Variants in SLC12A1 observed in about 807,000 individuals in gnomAD.
SLC12A1 encodes the protein solute carrier family 12 member 1.
In SLC12A1, 89 loss-of-function variants were observed where a neutral mutation model predicts 130.4. That is an observed-to-expected ratio of 0.68 (90% CI 0.58 to 0.81). The LOEUF is 0.81. Ranked by LOEUF, SLC12A1 falls within the 40% of genes least tolerant of loss-of-function variation. The pLI is 0.00. For missense variants in SLC12A1, 1,310 were observed against 1,336.4 expected (o/e 0.98, Z 0.31); for synonymous variants, 499 against 460.0 (o/e 1.08, Z -1.09).
intron 17 of SLC12A1, among the ~76,000 whole-genome samples, chr15:48,263,384 C>T (rs914845596): frequency 6.6e-6 from 1 of 152,060 alleles, no homozygotes; most frequent in African/African-American, 2.4e-5. Context: ...TTATCAAGTA[C>T]ATTATGTTGT....
rs1194360232 is a variant in SLC12A1 at position 48,240,010 on chromosome 15, C to CAT, written c.1216-1488_1216-1487dup. 3.4e-3 allele frequency among the ~76,000 whole-genome samples: 325 copies of CAT among 96,606 alleles called. 6 individuals carry two copies. The highest frequency in any genetic ancestry group is 0.023 in the East Asian group (74 of 3,206). 63.4% of individuals were successfully genotyped at this position (96,606 alleles called of 152,430 possible). A position where few individuals can be genotyped will look rare whatever the true frequency, so the allele number is the denominator to read the frequency against. ...GCCTTCCATCTTCACATCTGTTATCCATATATATATATATATATCCATATA... is the reference window on the plus strand; with the variant it reads ...GCCTTCCATCTTCACATCTGTTATCCATATATATATATATATATATCCATATA... On this transcript the variant is annotated intron_variant, in intron 9 of 26. Transcript: ENST00000380993.
intron 24 of SLC12A1, 131 bp downstream of exon 24, chr15:48,291,995 C>G (rs1024459714): frequency 4.8e-6 from 3 of 620,220 alleles, no homozygotes; most frequent in Non-Finnish European, 8.5e-6. Context: ...ATAAGAAGAG[C>G]CTTCAAATAA....
chr15:48,297,612 C>A (rs1034479964), intron 24 of SLC12A1, among the ~76,000 whole-genome samples: 1 of 152,178 alleles, frequency 6.6e-6, no homozygotes, highest in Non-Finnish European at 1.5e-5. Context: ...AATAAGTATA[C>A]GAAGAGCTTA....
Position 48,232,796 on chromosome 15 carries a change from T to A in SLC12A1, c.1045T>A (p.Ser349Thr). Residue 349 changes from serine (S) to threonine (T), a missense_variant, in exon 8 of 27, where the codon TCC (serine) becomes ACC (threonine). Transcript: ENST00000380993. ...CTTCTTCATTGGAACTGTCATTCCA[T>A]CCAACAATGAGAAAAAGTCCAGAGG... ...ANFFIGTVIP[S>T]NNEKKSRGFF... 1 of 1,612,940 alleles carries A rather than the reference T, an allele frequency of 6.2e-7. No homozygotes were observed. The highest frequency in any genetic ancestry group is 8.5e-7 in the Non-Finnish European group (1 of 1,178,998).
rs558992105 is a variant in SLC12A1 at position 48,220,031 on chromosome 15, C to T, written c.421-603C>T. Among the ~76,000 whole-genome samples the T allele has an allele frequency of 6.0e-5, 9 of 149,532 alleles. No individual in the cohort carries two copies. The East Asian group carries it at 1.4e-3, about 23-fold the overall frequency. On this transcript the variant is annotated intron_variant, in intron 2 of 26. Coordinates refer to ENST00000380993, the MANE Select transcript of SLC12A1 (RefSeq NM_000338.3). ...GGCTAAGGCACAAGAATTGCCTTAA[C>T]CCGGGAGGCACAGGTTGCAGTGAGC...
chr15:48,245,228 T>C (rs1284347109), intron 11 of SLC12A1, among the ~76,000 whole-genome samples: 1 of 152,342 alleles, frequency 6.6e-6, no homozygotes, highest in African/African-American at 2.4e-5. Context: ...ACTTGTTATG[T>C]ATTTCTTTCT....
chr15:48,268,768 G>T lies in SLC12A1; in HGVS notation c.2296-890G>T, dbSNP rs1193925169. 2.6e-5 allele frequency among the ~76,000 whole-genome samples: 4 copies of T among 152,102 alleles called. No individual in the cohort carries two copies. The East Asian group carries it at 7.7e-4, about 29-fold the overall frequency. ...TGATTTTTCTTTCAGTACCAAGTTA[G>T]TTTTCAATAGCTCTTTGGTTAAATA... On this transcript the variant is annotated intron_variant, in intron 18 of 26. Coordinates refer to ENST00000380993, the MANE Select transcript of SLC12A1 (RefSeq NM_000338.3).
At chr15:48,220,126 A>AC in intron 2 of SLC12A1, among the ~76,000 whole-genome samples, 1 of 43,212 alleles carries the variant, frequency 2.3e-5, no homozygotes, top group East Asian at 8.2e-4. Context: ...AAAAAAAAAA[A>AC]AAAGGTAGAT....
intron 20 of SLC12A1, among the ~76,000 whole-genome samples, chr15:48,276,914 G>T (rs982955641): frequency 4.6e-5 from 7 of 152,220 alleles, no homozygotes; most frequent in African/African-American, 1.7e-4. Flanking sequence ...ATTGCCAAAT[G>T]CAGCAGAAAT....
chr15:48,216,830 C>T (rs1286885876), intron 2 of SLC12A1, among the ~76,000 whole-genome samples: 1 of 152,098 alleles, frequency 6.6e-6, no homozygotes, highest in African/African-American at 2.4e-5. Context: ...ATTCAGCTGC[C>T]GTATGTGTAT....
At chr15:48,218,296 G>A (rs926582219) in intron 2 of SLC12A1, among the ~76,000 whole-genome samples, 1 of 152,100 alleles carries the variant, frequency 6.6e-6, no homozygotes, top group African/African-American at 2.4e-5. Flanking sequence ...TGTCACAATA[G>A]TATCATGAAC....
chr15:48,215,795 C>A (rs2041113855), intron 2 of SLC12A1, among the ~76,000 whole-genome samples: 1 of 152,144 alleles, frequency 6.6e-6, no homozygotes, highest in Non-Finnish European at 1.5e-5. Context: ...ACAATTTTGC[C>A]TTAGAGTAAA....
chr15:48,240,076 T>TATCC, intron 9 of SLC12A1, among the ~76,000 whole-genome samples: 1 of 108,360 alleles, frequency 9.2e-6, no homozygotes, highest in East Asian at 2.7e-4. Flanking sequence ...TATATCCATA[T>TATCC]ATATATATAT....
chr15:48,265,648 A>C (rs937693605), intron 17 of SLC12A1, among the ~76,000 whole-genome samples: 2 of 152,154 alleles, frequency 1.3e-5, no homozygotes, highest in African/African-American at 2.4e-5. Context: ...TTCTATCTTC[A>C]TGGAAGTTTC....
rs1273613024 is a variant in SLC12A1, at chr15:48,237,238, G to T, written c.1215+2234G>T. The T allele has an allele frequency of 9.2e-6, 5 of 544,200 alleles. No homozygotes were observed. The African/African-American group carries it at 9.5e-5, about 10-fold the overall frequency. 33.7% of individuals were successfully genotyped at this position (544,200 alleles called of 1,614,324 possible). Reference sequence around the variant, plus strand: ...AAGAGACGGACATTTGAAACAGAAGGAATGGGATGTAAGAAGGCACCAAGA... The same window carrying T: ...AAGAGACGGACATTTGAAACAGAAGTAATGGGATGTAAGAAGGCACCAAGA... On this transcript the variant is annotated intron_variant, in intron 9 of 26. Transcript: ENST00000380993.
At chr15:48,239,285 G>T (rs1006892635) in intron 9 of SLC12A1, among the ~76,000 whole-genome samples, 11 of 152,040 alleles carry the variant, frequency 7.2e-5, no homozygotes, top group African/African-American at 2.7e-4. Context: ...GCCCAGGTGG[G>T]TGATTGCTTG....
chr15:48,289,394 CATATATATATAT>C lies in SLC12A1; in HGVS notation c.2873+902_2873+913del, dbSNP rs10609887. Among the ~76,000 whole-genome samples, 431 of 112,840 alleles carry C rather than the reference CATATATATATAT, an allele frequency of 3.8e-3. 12 individuals carry two copies. Among genetic ancestry groups the C allele is most frequent in the African/African-American group, 0.014 (378 of 26,416 alleles). The allele number at this position is 112,840 out of a possible 152,430, so 74.0% of individuals were successfully genotyped here. ...AGGATGTATTATGCTGTGAATGTGA[CATATATATATAT>C]ATATATATATATATATATATATAAT... On this transcript the variant is annotated intron_variant, in intron 23 of 26. Coordinates refer to ENST00000380993, the MANE Select transcript of SLC12A1 (RefSeq NM_000338.3).
rs1033198211 is a variant in SLC12A1, at chr15:48,241,657, C to A, written c.1300+58C>A. On this transcript the variant is annotated intron_variant, in intron 10 of 26. Transcript: ENST00000380993. Reference sequence around the variant, plus strand: ...GAATTACGAGGGGTCCAGTTGTTCACGTCTAGTGAGCTTTCAATGCAGCAT... The same window carrying A: ...GAATTACGAGGGGTCCAGTTGTTCAAGTCTAGTGAGCTTTCAATGCAGCAT... 4.0e-5 allele frequency: 48 copies of A among 1,211,826 alleles called. No homozygotes were observed. In the East Asian group the frequency reaches 1.1e-3, roughly 27 times the overall value. The allele number at this position is 1,211,826 out of a possible 1,614,324, so 75.1% of individuals were successfully genotyped here. A position where few individuals can be genotyped will look rare whatever the true frequency, so the allele number is the denominator to read the frequency against.
chr15:48,298,230 T>C (rs1045284756), intron 24 of SLC12A1, among the ~76,000 whole-genome samples: 1 of 152,214 alleles, frequency 6.6e-6, no homozygotes, highest in African/African-American at 2.4e-5. Context: ...TAAGCTACAT[T>C]ATATAAAACC....
Sources: gnomAD v4.1 joint callset for allele counts (sites outside exome capture counted in the v4.1 genomes callset) on GRCh38, gnomAD v4.1.1 for gene constraint, MANE v1.5 for transcripts, NCBI Gene and HGNC (gene_info 2026-07-23, HGNC 2026-07-21) for gene names.